The following FILIP1L variants were observed in gnomAD, a reference collection of about 807,000 sequenced individuals.
FILIP1L encodes the protein filamin A-interacting protein 1-like.
Under a neutral mutation model 96.6 loss-of-function variants are expected in FILIP1L, and 55 were observed. The ratio of observed to expected loss-of-function variants is 0.57; its 90% confidence interval spans 0.46 to 0.71. FILIP1L has a LOEUF of 0.71. Among genes scored for constraint, FILIP1L ranks in the 30% least tolerant of loss-of-function variants. The pLI is 0.00. For synonymous variants in FILIP1L, 467 were observed against 473.9 expected (o/e 0.99, Z 0.19); for missense variants, 1,304 against 1,321.2 (o/e 0.99, Z 0.20).
Position 99,828,932 on chromosome 3 carries a change from G to A in FILIP1L, c.*1482C>T, listed in dbSNP as rs1241605342. Among the ~76,000 whole-genome samples, 1 of 151,764 alleles carries A rather than the reference G, an allele frequency of 6.6e-6. No homozygotes were observed. The highest frequency in any genetic ancestry group is 1.5e-5 in the Non-Finnish European group (1 of 67,944). On this transcript the variant is annotated 3_prime_UTR_variant, in exon 6 of 6. Transcript: ENST00000477258. ...AATGCTGCCTATCATCCCTCTCAAT[G>A]CTGCCCATCATCCCTCTCAATGCTG...
chr3:99,983,416 A>ATATATATATATATATG (rs1553702725), intron 1 of FILIP1L, among the ~76,000 whole-genome samples: 1 of 96,960 alleles, frequency 1.0e-5, no homozygotes, highest in African/African-American at 4.3e-5. Context: ...ATATATATAT[A>ATATATATATATATATG]TATGTATGTA....
intron 4 of FILIP1L, among the ~76,000 whole-genome samples, chr3:99,918,348 C>G (rs1054147556): frequency 6.6e-6 from 1 of 152,170 alleles, no homozygotes; most frequent in Admixed American, 6.5e-5. Context: ...AGCTGCAGAT[C>G]AGGTCTGCAG....
intron 3 of FILIP1L, among the ~76,000 whole-genome samples, chr3:99,929,505 G>A (rs1189379942): frequency 7.0e-6 from 1 of 142,332 alleles, no homozygotes; most frequent in Non-Finnish European, 1.5e-5. Context: ...TACCCTGCAA[G>A]TTCCCAGAGT....
At chr3:100,021,412 C>G (rs762023178) in intron 1 of FILIP1L, among the ~76,000 whole-genome samples, 1 of 152,156 alleles carries the variant, frequency 6.6e-6, no homozygotes, top group African/African-American at 2.4e-5. Context: ...GCTTATGATG[C>G]ACAGCATTAA....
intron 1 of FILIP1L, among the ~76,000 whole-genome samples, chr3:100,003,720 G>C (rs6806323): frequency 0.59 from 89,735 of 151,856 alleles, 26,695 homozygotes; most frequent in East Asian, 0.72. Flanking sequence ...CTTCATACTT[G>C]ATCTAGTGTC....
intron 4 of FILIP1L, among the ~76,000 whole-genome samples, chr3:99,889,613 G>T (rs1706020524): frequency 6.6e-6 from 1 of 151,776 alleles, no homozygotes; most frequent in Non-Finnish European, 1.5e-5. Context: ...AATTCCATTT[G>T]TACCACCTTT....
chr3:99,855,519 T>C (rs1164409746), intron 4 of FILIP1L, among the ~76,000 whole-genome samples: 2 of 152,196 alleles, frequency 1.3e-5, no homozygotes, highest in Non-Finnish European at 2.9e-5. Flanking sequence ...TTTATAGCTG[T>C]GAAAATTGAG....
At chr3:100,048,846 C>CTATACTT in intron 1 of FILIP1L, among the ~76,000 whole-genome samples, 1 of 152,236 alleles carries the variant, frequency 6.6e-6, no homozygotes, top group South Asian at 2.1e-4. Flanking sequence ...AAAAAAAAAT[C>CTATACTT]TGTTGTGCAG....
chr3:99,991,934 G>A (rs546353711), intron 1 of FILIP1L, among the ~76,000 whole-genome samples: 1 of 144,774 alleles, frequency 6.9e-6, no homozygotes, highest in Non-Finnish European at 1.5e-5. Flanking sequence ...ACACACATAT[G>A]TATGTGTATA....
At chr3:100,071,577 G>A (rs2065764601) in intron 1 of FILIP1L, among the ~76,000 whole-genome samples, 1 of 152,190 alleles carries the variant, frequency 6.6e-6, no homozygotes. Context: ...ACTGGTTCCA[G>A]TCAGAGCCAA....
intron 1 of FILIP1L, among the ~76,000 whole-genome samples, chr3:100,059,247 A>G (rs1168615379): frequency 6.6e-6 from 1 of 152,216 alleles, no homozygotes; most frequent in Non-Finnish European, 1.5e-5. Context: ...AAAAAATACA[A>G]TGCCTCTTAA....
intron 1 of FILIP1L, among the ~76,000 whole-genome samples, chr3:100,006,824 TG>T (rs1229098227): frequency 1.4e-4 from 21 of 152,232 alleles, no homozygotes; most frequent in African/African-American, 5.1e-4. Flanking sequence ...GCATTCTTGA[TG>T]GGTAGAACTG....
chr3:99,954,654 C>T (rs1316396506), intron 1 of FILIP1L, among the ~76,000 whole-genome samples: 3 of 151,920 alleles, frequency 2.0e-5, no homozygotes, highest in East Asian at 1.9e-4. Context: ...GGTGAAACCC[C>T]GTCTCTACTA....
At chr3:99,915,516 A>T (rs1025923893) in intron 4 of FILIP1L, among the ~76,000 whole-genome samples, 4 of 152,214 alleles carry the variant, frequency 2.6e-5, no homozygotes, top group African/African-American at 9.6e-5. Flanking sequence ...ACTTTGGTTC[A>T]GTCTTGATTT....
At position 99,829,102 on chromosome 3, in the gene FILIP1L, C is replaced by G. The variant is rs900897391; in HGVS notation, c.*1312G>C. On this transcript the variant is annotated 3_prime_UTR_variant, in exon 6 of 6. Coordinates refer to ENST00000477258, the MANE Select transcript of FILIP1L (RefSeq NM_001387850.1). ...TATGGGGAATGGGAGTTCCTTTACT[C>G]TTGCTCTGCTGGCTCCAACCCAGGG... Among the ~76,000 whole-genome samples, 6 of 152,170 alleles carry G rather than the reference C, an allele frequency of 3.9e-5. No individual in the cohort carries two copies. The highest frequency in any genetic ancestry group is 1.4e-4 in the African/African-American group (6 of 41,438).
At chr3:99,894,288 G>A (rs1340775196) in intron 4 of FILIP1L, among the ~76,000 whole-genome samples, 1 of 152,222 alleles carries the variant, frequency 6.6e-6, no homozygotes, top group African/African-American at 2.4e-5. Context: ...TGTAAGAGAA[G>A]GTGGCACTTA....
chr3:99,900,136 G>T (rs947637589), intron 4 of FILIP1L, among the ~76,000 whole-genome samples: 1 of 152,062 alleles, frequency 6.6e-6, no homozygotes, highest in African/African-American at 2.4e-5. Flanking sequence ...TGTATTGGAT[G>T]AATTAATTTA....
chr3:99,969,942 A>T (rs1317313495), intron 1 of FILIP1L, among the ~76,000 whole-genome samples: 1 of 152,226 alleles, frequency 6.6e-6, no homozygotes, highest in Non-Finnish European at 1.5e-5. Context: ...AGATAATTGG[A>T]TAATATGAAA....
At position 99,850,146 on chromosome 3, in the gene FILIP1L, T is replaced by C. The variant is rs1194959327; in HGVS notation, c.1530A>G (p.Lys510=). ...FVDERKTMSE[K]LKKTEDKLQA... Reference sequence around the variant, plus strand: ...GTAATTTATCTTCAGTTTTCTTTAATTTTTCACTCATTGTTTTCCGTTCAT... The same window carrying C: ...GTAATTTATCTTCAGTTTTCTTTAACTTTTCACTCATTGTTTTCCGTTCAT... The change falls in exon 5 of 6, where the codon AAA becomes AAG. Residue 510 remains lysine (K), a synonymous_variant. Coordinates refer to ENST00000477258, the MANE Select transcript of FILIP1L (RefSeq NM_001387850.1). 5 of 1,611,536 alleles carry C rather than the reference T, an allele frequency of 3.1e-6. No individual in the cohort carries two copies. The highest frequency in any genetic ancestry group is 1.3e-5 in the African/African-American group (1 of 74,724).
Sources: gnomAD v4.1 joint callset for allele counts (sites outside exome capture counted in the v4.1 genomes callset) on GRCh38, gnomAD v4.1.1 for gene constraint, MANE v1.5 for transcripts, NCBI Gene and HGNC (gene_info 2026-07-23, HGNC 2026-07-21) for gene names.